APBA2: variants seen among roughly 807,000 people sequenced by gnomAD.
The protein encoded by APBA2 is amyloid-beta A4 precursor protein-binding family A member 2.
In APBA2, 30 loss-of-function variants were observed where a neutral mutation model predicts 75.0. The observed-to-expected ratio is 0.40, with a 90% CI of 0.30 to 0.54. The LOEUF is 0.54. Among genes scored for constraint, APBA2 ranks in the 20% least tolerant of loss-of-function variants. The pLI is 0.49. For missense variants in APBA2, 801 were observed against 1,016.1 expected (o/e 0.79, Z 2.88); for synonymous variants, 444 against 409.6 (o/e 1.08, Z -1.01).
rs1361112982 is a variant in APBA2, at chr15:29,105,409, G to T, written c.1555G>T (p.Ala519Ser). Residue 519 changes from alanine to serine, a missense_variant, in exon 11 of 15, where the codon GCC (alanine) becomes TCC (serine). Ala to Ser is a moderately conservative substitution (Grantham distance 99). This residue lies in a region of APBA2 where 367 missense variants were observed against 544.5 expected (regional missense o/e 0.67). Coordinates refer to ENST00000683413, the MANE Select transcript of APBA2 (RefSeq NM_001353788.2). ...AQLIAQSIGQ[A>S]FSVAYQEFLR... ...GCTCATCGCCCAGTCTATCGGCCAGGCCTTCAGCGTGGCCTACCAGGAGTT... is the reference window on the plus strand; with the variant it reads ...GCTCATCGCCCAGTCTATCGGCCAGTCCTTCAGCGTGGCCTACCAGGAGTT... 1 of 1,612,710 alleles carries T rather than the reference G, an allele frequency of 6.2e-7. No individual in the cohort carries two copies.
chr15:28,964,352 C>T (rs1198940413), intron 2 of APBA2, among the ~76,000 whole-genome samples: 2 of 152,122 alleles, frequency 1.3e-5, no homozygotes, highest in African/African-American at 2.4e-5. Flanking sequence ...TAGCTATTCT[C>T]ATAGGTGTGT....
intron 12 of APBA2, among the ~76,000 whole-genome samples, chr15:29,107,033 C>T (rs1327931057): frequency 6.6e-6 from 1 of 152,164 alleles, no homozygotes; most frequent in Non-Finnish European, 1.5e-5. Context: ...CCCGGGCTGG[C>T]CTGGGGTGGG....
Position 29,054,312 on chromosome 15 carries a change from A to G in APBA2, c.428A>G (p.Asp143Gly). The change falls in exon 4 of 15, where the codon GAC becomes GGC. Residue 143 changes from aspartate (D) to glycine (G), a missense_variant. By Grantham distance (94) the Asp-to-Gly change is moderately conservative. Coordinates refer to ENST00000683413, the MANE Select transcript of APBA2 (RefSeq NM_001353788.2). The surrounding 1 kb of genome is among the most constrained non-coding windows in gnomAD (Gnocchi z 6.1). ...ECQEAVEEWT[D>G]SAGPHPHGHE... The stretch of plus-strand genomic sequence containing the variant: ...CAGGAGGCGGTGGAGGAGTGGACGG[A>G]CTCGGCGGGCCCGCACCCCCACGGC... The G allele has an allele frequency of 6.2e-7, 1 of 1,613,884 alleles. No homozygotes were observed. The highest frequency in any genetic ancestry group is 8.5e-7 in the Non-Finnish European group (1 of 1,179,976).
chr15:28,932,668 C>T (rs1566811674), intron 2 of APBA2, among the ~76,000 whole-genome samples: 1 of 152,276 alleles, frequency 6.6e-6, no homozygotes, highest in East Asian at 1.9e-4. Flanking sequence ...GTCAGTGCTG[C>T]CTATTGTGAT....
At chr15:29,031,206 A>G (rs1566926311) in intron 3 of APBA2, among the ~76,000 whole-genome samples, 1 of 152,202 alleles carries the variant, frequency 6.6e-6, no homozygotes, top group African/African-American at 2.4e-5. Flanking sequence ...AAATAATCTG[A>G]AAATCTATGT....
intron 3 of APBA2, among the ~76,000 whole-genome samples, chr15:28,997,444 G>A (rs895133154): frequency 1.3e-5 from 2 of 152,156 alleles, no homozygotes; most frequent in Non-Finnish European, 2.9e-5. Flanking sequence ...TACTTCAGCC[G>A]TAATGACATT....
chr15:28,994,526 G>A (rs975757149), intron 2 of APBA2, among the ~76,000 whole-genome samples: 2 of 152,162 alleles, frequency 1.3e-5, no homozygotes, highest in African/African-American at 4.8e-5. Context: ...AGCAGGTTAC[G>A]GCTCTGCAGC....
At chr15:29,087,273 T>A (rs1287462537) in intron 6 of APBA2, among the ~76,000 whole-genome samples, 2 of 150,372 alleles carry the variant, frequency 1.3e-5, no homozygotes, top group African/African-American at 2.5e-5. Context: ...TTAAAAAAAA[T>A]TATTTATTAT....
chr15:29,047,397 C>G (rs755685402), intron 3 of APBA2, among the ~76,000 whole-genome samples: 1 of 152,208 alleles, frequency 6.6e-6, no homozygotes, highest in Non-Finnish European at 1.5e-5. Context: ...TACCAGTCCA[C>G]AGCCAAGCCA....
At chr15:28,909,088 G>A (rs1228717275) in intron 1 of APBA2, among the ~76,000 whole-genome samples, 1 of 150,118 alleles carries the variant, frequency 6.7e-6, no homozygotes, top group Non-Finnish European at 1.5e-5. Flanking sequence ...CTAGGTTCAC[G>A]CCATTCTCCT....
chr15:29,040,579 G>C (rs2040984295), intron 3 of APBA2, among the ~76,000 whole-genome samples: 1 of 152,198 alleles, frequency 6.6e-6, no homozygotes, highest in Non-Finnish European at 1.5e-5. Flanking sequence ...ACAGAGCACA[G>C]CAAAGGGTTT....
chr15:28,943,280 TGCCTGGGAGTGACACGGTCCCCTCTGC>T (rs2035340011), intron 2 of APBA2, among the ~76,000 whole-genome samples: 1 of 152,188 alleles, frequency 6.6e-6, no homozygotes, highest in Non-Finnish European at 1.5e-5. Context: ...GACCTGCCTC[TGCCTGGGAGTGACACGGTCCCCTCTGC>T]TCACGTGCCA....
intron 3 of APBA2, among the ~76,000 whole-genome samples, chr15:29,045,910 T>C (rs996633787): frequency 1.3e-5 from 2 of 152,138 alleles, no homozygotes; most frequent in African/African-American, 2.4e-5. Context: ...ATGTGCTAGA[T>C]GATTAGTCAT....
At chr15:28,898,485 G>A (rs1436216240) in intron 1 of APBA2, among the ~76,000 whole-genome samples, 1 of 152,204 alleles carries the variant, frequency 6.6e-6, no homozygotes, top group Non-Finnish European at 1.5e-5. Context: ...AGATGCTAGA[G>A]TGTGTAATGC....
intron 14 of APBA2, among the ~76,000 whole-genome samples, chr15:29,114,588 G>GTGTT (rs2044945772): frequency 6.6e-6 from 1 of 152,120 alleles, no homozygotes; most frequent in South Asian, 2.1e-4. Flanking sequence ...GTGTGTGTGT[G>GTGTT]TGTGTAGTGT....
rs896399646 is a variant in APBA2, at chr15:28,918,056, C to T, written c.-204-3584C>T. On this transcript the variant is annotated intron_variant, in intron 1 of 14. Transcript: ENST00000683413. The surrounding 1 kb of genome is among the most constrained non-coding windows in gnomAD (Gnocchi z 4.2). ...TGCCCCCAGTCGGTCCCCGAGGATT[C>T]TGCCCAGATAGGGATAAGAATCACC... Among the ~76,000 whole-genome samples, 5 of 152,248 alleles carry T rather than the reference C, an allele frequency of 3.3e-5. No homozygotes were observed.
intron 4 of APBA2, among the ~76,000 whole-genome samples, chr15:29,060,460 C>T (rs1211227776): frequency 1.3e-5 from 2 of 152,120 alleles, no homozygotes; most frequent in Non-Finnish European, 2.9e-5. Context: ...CTGTTCAGTC[C>T]GCGTTTGAGC....
At position 29,108,315 on chromosome 15, in the gene APBA2, C is replaced by T. The variant is rs2044542736; in HGVS notation, c.1963C>T (p.Pro655Ser). 1.2e-6 allele frequency: 2 copies of T among 1,614,018 alleles called. No individual in the cohort carries two copies. Among genetic ancestry groups the T allele is most frequent in the Non-Finnish European group, 1.7e-6 (2 of 1,180,020 alleles). ...TQVKLNIVSC[P>S]PVTTVLIKRP... The stretch of plus-strand genomic sequence containing the variant: ...GGTGAAGCTCAACATTGTCAGCTGT[C>T]CCCCGGTCACCACGGTCCTTATCAA... Residue 655 changes from proline (P) to serine (S), a missense_variant, in exon 13 of 15, where the codon CCC becomes TCC. Physicochemically the swap from Pro to Ser is moderately conservative, Grantham distance 74. Around this residue, in one of 2 missense-constraint regions of APBA2, gnomAD observed 367 missense variants for 544.5 expected, o/e 0.67. Coordinates refer to ENST00000683413, the MANE Select transcript of APBA2 (RefSeq NM_001353788.2).
intron 2 of APBA2, among the ~76,000 whole-genome samples, chr15:28,951,256 A>G (rs1219271809): frequency 1.3e-5 from 2 of 152,344 alleles, no homozygotes; most frequent in African/African-American, 4.8e-5. Flanking sequence ...ACACCATTTT[A>G]TAGAAGGGAC....
Sources: allele counts gnomAD v4.1 joint callset (sites outside exome capture counted in the v4.1 genomes callset), GRCh38; gene constraint gnomAD v4.1.1; regional missense constraint gnomAD v4.1.1; non-coding constraint Gnocchi (gnomAD v3.1); transcripts MANE v1.5; gene names NCBI Gene and HGNC (gene_info 2026-07-23, HGNC 2026-07-21).